The following TES variants were observed in gnomAD, a reference collection of about 807,000 sequenced individuals.
The protein encoded by TES is testin LIM domain protein.
TES carries 41 observed loss-of-function variants against 48.2 expected under a neutral mutation model. The ratio of observed to expected loss-of-function variants is 0.85; its 90% CI spans 0.66 to 1.10. The LOEUF (loss-of-function observed/expected upper bound fraction) is 1.10, where lower values mean the gene tolerates loss of function less well. TES is among the 50% of genes least tolerant of loss of function. The pLI, the probability that TES is intolerant of heterozygous loss-of-function variation, is 0.00. For synonymous variants in TES, 162 were observed against 174.9 expected (o/e 0.93, Z 0.58); for missense variants, 463 against 515.1 (o/e 0.90, Z 0.98).
At chr7:116,256,752 A>G (rs995116371) in intron 6 of TES, among the ~76,000 whole-genome samples, 9 of 152,346 alleles carry the variant, frequency 5.9e-5, no homozygotes, top group African/African-American at 2.2e-4. Context: ...GAAGCCAATT[A>G]ACTACAAGTT....
Position 116,251,874 on chromosome 7 carries a change from G to T in TES, c.817G>T (p.Glu273Ter). ...PACFVCSTCH[E>*]LLVDMIYFWK... ...TTGTTTTGTCTGCAGCACCTGCCAT[G>T]AACTCCTGGTTGACATGATTTATTT... The change falls in exon 5 of 7, where the codon GAA becomes TAA. Residue 273 changes from glutamate to a stop codon, truncating the protein, a stop_gained. Transcript: ENST00000358204. LOFTEE classifies it high-confidence loss of function. 1 of 1,614,136 alleles carries T rather than the reference G, an allele frequency of 6.2e-7. No individual in the cohort carries two copies. Among genetic ancestry groups the T allele is most frequent in the South Asian group, 1.1e-5 (1 of 91,076 alleles).
At chr7:116,219,733 T>TCTA (rs1030189806) in intron 1 of TES, among the ~76,000 whole-genome samples, 41 of 152,306 alleles carry the variant, frequency 2.7e-4, no homozygotes, top group African/African-American at 9.6e-4. Flanking sequence ...ATTACTTCAG[T>TCTA]CTACCACGTG....
intron 1 of TES, among the ~76,000 whole-genome samples, chr7:116,234,051 A>G (rs1261750659): frequency 6.6e-6 from 1 of 152,174 alleles, no homozygotes; most frequent in Non-Finnish European, 1.5e-5. Context: ...CTGGCATTCA[A>G]TAAGTGTATA....
chr7:116,241,404 A>G (rs58595078), intron 2 of TES, among the ~76,000 whole-genome samples: 50,753 of 151,960 alleles, frequency 0.33, 8,933 homozygotes, highest in East Asian at 0.57. Context: ...CTTGCAGAGT[A>G]GTTTGTAGCT....
intron 1 of TES, among the ~76,000 whole-genome samples, chr7:116,226,184 TAAATAAAAC>T (rs1799618745): frequency 6.6e-6 from 1 of 152,136 alleles, no homozygotes; most frequent in South Asian, 2.1e-4. Flanking sequence ...AACAATTAAA[TAAATAAAAC>T]TTTCTAGCAC....
Position 116,252,483 on chromosome 7 carries a change from A to C in TES, c.1077+7A>C, listed in dbSNP as rs201414558. On this transcript the variant is annotated splice_region_variant and intron_variant, in intron 6 of 6. Transcript: ENST00000358204. ...TGTGAAGAATCACGCTGTGGTGAGA[A>C]GTGTTCTAAGGATATGGTTGCCTCA... The C allele has an allele frequency of 6.2e-7, 1 of 1,614,180 alleles. No homozygotes were observed. Among genetic ancestry groups the C allele is most frequent in the South Asian group, 1.1e-5 (1 of 91,086 alleles).
At chr7:116,211,246 C>T (rs115910311) in intron 1 of TES, 373 of 152,848 alleles carry the variant, frequency 2.4e-3, no homozygotes, top group African/African-American at 8.6e-3. Context: ...AATGCACTGC[C>T]TTCGCACCCG....
chr7:116,227,274 G>A (rs988850949), intron 1 of TES, among the ~76,000 whole-genome samples: 17 of 151,092 alleles, frequency 1.1e-4, no homozygotes, highest in South Asian at 2.1e-4. Flanking sequence ...CTATCACCGC[G>A]CCCGGCTATT....
chr7:116,249,136 C>A lies in TES; in HGVS notation c.230C>A (p.Ala77Glu). ...GACACCAAGTATACCACTCTGATTG[C>A]AAAACTAAAGTCAGATGGAATTCCC... ...FEDTKYTTLIAKLKSDGIPMY... is the reference protein window; with the variant it reads ...FEDTKYTTLIEKLKSDGIPMY... Residue 77 changes from alanine to glutamate, a missense_variant, in exon 3 of 7, where the codon GCA (alanine) becomes GAA (glutamate). Physicochemically the swap from Ala to Glu is moderately radical, Grantham distance 107. Transcript: ENST00000358204. 1 of 1,614,022 alleles carries A rather than the reference C, an allele frequency of 6.2e-7. No homozygotes were observed. The highest frequency in any genetic ancestry group is 8.5e-7 in the Non-Finnish European group (1 of 1,179,970).
At chr7:116,218,158 T>C (rs1392885126) in intron 1 of TES, among the ~76,000 whole-genome samples, 1 of 152,138 alleles carries the variant, frequency 6.6e-6, no homozygotes, top group Non-Finnish European at 1.5e-5. Flanking sequence ...TCTGTAAATA[T>C]ACTTAATCTG....
At chr7:116,252,753 G>A (rs1325483403) in intron 6 of TES, 1 of 440,968 alleles carries the variant, frequency 2.3e-6, no homozygotes, top group African/African-American at 2.0e-5. Flanking sequence ...TAATGGGAAT[G>A]AGATTGTTTT....
chr7:116,246,947 C>CTT lies in TES; in HGVS notation c.114-2054_114-2053dup, dbSNP rs35662534. On this transcript the variant is annotated intron_variant, in intron 2 of 6. Coordinates refer to ENST00000358204, the MANE Select transcript of TES (RefSeq NM_015641.4). ...GTTCTAGAAATCAGAGACTAGGCCC[C>CTT]TTTTTTTTTTTTTTTTTTTTAAGCA... is the stretch of plus-strand genomic sequence containing the variant. Among the ~76,000 whole-genome samples the CTT allele has an allele frequency of 3.2e-3, 422 of 131,468 alleles. 2 individuals are homozygous for CTT. The highest frequency in any genetic ancestry group is 9.9e-3 in the African/African-American group (344 of 34,892). 86.2% of individuals were successfully genotyped at this position (131,468 alleles called of 152,430 possible). A position where few individuals can be genotyped will look rare whatever the true frequency, so the allele number is the denominator to read the frequency against.
intron 1 of TES, among the ~76,000 whole-genome samples, chr7:116,218,278 A>G (rs912592075): frequency 4.1e-5 from 6 of 147,944 alleles, no homozygotes; most frequent in Non-Finnish European, 7.4e-5. Context: ...TTCATTGCAT[A>G]GCTTATCTGA....
chr7:116,246,090 A>G (rs1393188809), intron 2 of TES, among the ~76,000 whole-genome samples: 1 of 152,170 alleles, frequency 6.6e-6, no homozygotes, highest in Non-Finnish European at 1.5e-5. Flanking sequence ...GCCAAACCAT[A>G]TCACTGAGCC....
intron 2 of TES, among the ~76,000 whole-genome samples, chr7:116,238,582 C>CATTATTATT (rs1464181259): frequency 9.5e-6 from 1 of 105,190 alleles, no homozygotes; most frequent in African/African-American, 3.7e-5. Flanking sequence ...ACTCAACATC[C>CATTATTATT]ATCATTATTA....
At position 116,233,223 on chromosome 7, in the gene TES, G is replaced by A. The variant is rs539117125; in HGVS notation, c.28-1311G>A. On this transcript the variant is annotated intron_variant, in intron 1 of 6. Transcript: ENST00000358204. Reference sequence around the variant, plus strand: ...AGAGTAATCTGATTACTGGTGGTTTGCCACTGTACTGATGTAAGGCTGGCT... The same window carrying A: ...AGAGTAATCTGATTACTGGTGGTTTACCACTGTACTGATGTAAGGCTGGCT... 9.2e-5 allele frequency among the ~76,000 whole-genome samples: 14 copies of A among 152,282 alleles called. 1 individual carries two copies. The highest frequency in any genetic ancestry group is 3.4e-4 in the African/African-American group (14 of 41,558).
At chr7:116,243,066 C>T (rs1049188554) in intron 2 of TES, among the ~76,000 whole-genome samples, 3 of 152,056 alleles carry the variant, frequency 2.0e-5, no homozygotes, top group African/African-American at 7.2e-5. Context: ...TCTTTATTTT[C>T]CTTCCTTTTA....
At chr7:116,256,854 G>A (rs1327419202) in intron 6 of TES, among the ~76,000 whole-genome samples, 1 of 152,056 alleles carries the variant, frequency 6.6e-6, no homozygotes, top group Non-Finnish European at 1.5e-5. Context: ...ATTTACTACT[G>A]TCTAGAAATT....
At chr7:116,219,935 G>T (rs774696839) in intron 1 of TES, among the ~76,000 whole-genome samples, 1 of 152,030 alleles carries the variant, frequency 6.6e-6, no homozygotes, top group African/African-American at 2.4e-5. Flanking sequence ...GATATTTAGG[G>T]TTTCCTTTTT....
Sources: allele counts gnomAD v4.1 joint callset (sites outside exome capture counted in the v4.1 genomes callset), GRCh38; gene constraint gnomAD v4.1.1; transcripts MANE v1.5; gene names NCBI Gene and HGNC (gene_info 2026-07-23, HGNC 2026-07-21).